DDAH1: variants seen among roughly 807,000 people sequenced by gnomAD.
DDAH1 encodes the protein N(G),N(G)-dimethylarginine dimethylaminohydrolase 1.
A neutral mutation model predicts 28.8 loss-of-function variants in DDAH1; 19 were observed. The observed-to-expected ratio is 0.66, with a 90% CI of 0.46 to 0.97. DDAH1 has a LOEUF of 0.97. Ranked by LOEUF, DDAH1 falls within the 50% of genes least tolerant of loss-of-function variation. The probability of loss-of-function intolerance (pLI) is 0.00; values close to 1 mark genes in which losing one functional copy is unlikely to be tolerated. For synonymous variants in DDAH1, 153 were observed against 154.4 expected, an observed-to-expected ratio of 0.99 and a Z score of 0.07; for missense variants, 326 against 375.9, an observed-to-expected ratio of 0.87 and a Z score of 1.10.
At chr1:85,435,290 A>G (rs888914340) in intron 1 of DDAH1, 3 of 152,208 alleles carry the variant, frequency 2.0e-5, no homozygotes, top group Non-Finnish European at 4.4e-5. Context: ...TAGCCTGCCC[A>G]TTAGTTTCAA....
intron 1 of DDAH1, among the ~76,000 whole-genome samples, chr1:85,386,107 A>G (rs1442787451): frequency 6.6e-6 from 1 of 152,206 alleles, no homozygotes; most frequent in Admixed American, 6.5e-5. Context: ...AAATTTCAAC[A>G]TGATATCCAA....
intron 1 of DDAH1, among the ~76,000 whole-genome samples, chr1:85,570,395 C>CACACAT (rs1018150712): frequency 6.6e-6 from 1 of 150,592 alleles, no homozygotes; most frequent in Non-Finnish European, 1.5e-5. Flanking sequence ...CACACACACA[C>CACACAT]ATCTCAGTGC....
intron 1 of DDAH1, among the ~76,000 whole-genome samples, chr1:85,411,205 A>G (rs994002019): frequency 1.3e-5 from 2 of 152,206 alleles, no homozygotes; most frequent in African/African-American, 4.8e-5. Flanking sequence ...ACAGACCAAT[A>G]ACAGTTGACA....
intron 1 of DDAH1, among the ~76,000 whole-genome samples, chr1:85,453,360 A>AT (rs1167693941): frequency 6.6e-6 from 1 of 151,888 alleles, no homozygotes; most frequent in African/African-American, 2.4e-5. Context: ...TGCACTCCCC[A>AT]TTTTTTCTCA....
chr1:85,424,843 C>T (rs1653318508), intron 1 of DDAH1, among the ~76,000 whole-genome samples: 1 of 151,786 alleles, frequency 6.6e-6, no homozygotes, highest in South Asian at 2.1e-4. Context: ...GAGAAAATGA[C>T]CTTTGGCTTT....
chr1:85,560,474 G>A lies in DDAH1; in HGVS notation c.-123+17510C>T, dbSNP rs546216498. On this transcript the variant is annotated intron_variant, in intron 1 of 6. Coordinates refer to the DDAH1 transcript ENST00000426972. ...GCAAAAATATTTACAATGAAGTATG[G>A]CGTTTGTAACATATATAGAAGTACG... Among the ~76,000 whole-genome samples the A allele has an allele frequency of 5.3e-5, 8 of 152,124 alleles. No individual in the cohort carries two copies. In the East Asian group the frequency reaches 1.5e-3, roughly 29 times the overall value.
intron 1 of DDAH1, among the ~76,000 whole-genome samples, chr1:85,452,038 C>T (rs2100671897): frequency 6.6e-6 from 1 of 152,238 alleles, no homozygotes; most frequent in East Asian, 1.9e-4. Flanking sequence ...TGGGAAGAGC[C>T]TGAGACTTTC....
chr1:85,539,394 T>C (rs1420277120), intron 1 of DDAH1, among the ~76,000 whole-genome samples: 2 of 152,178 alleles, frequency 1.3e-5, no homozygotes, highest in Non-Finnish European at 2.9e-5. Flanking sequence ...TGATCCGCCT[T>C]TCTCGGCCTC....
chr1:85,341,743 G>A (rs1212973095), intron 4 of DDAH1, among the ~76,000 whole-genome samples: 3 of 152,098 alleles, frequency 2.0e-5, no homozygotes, highest in East Asian at 1.9e-4. Context: ...AACCCGGGAG[G>A]TGGAGCTTGC....
chr1:85,555,067 C>T (rs1658922143), intron 1 of DDAH1, among the ~76,000 whole-genome samples: 1 of 152,198 alleles, frequency 6.6e-6, no homozygotes, highest in Non-Finnish European at 1.5e-5. Flanking sequence ...AGTTTATCTG[C>T]CTCCTTATAT....
chr1:85,465,331 G>T (rs12044882), upstream of DDAH1: 67,770 of 533,002 alleles, frequency 0.13, 4,859 homozygotes, highest in South Asian at 0.29. Flanking sequence ...AGTGGGGCCA[G>T]GAGAGGCGGC....
At chr1:85,569,121 A>G (rs1388418520) in intron 1 of DDAH1, among the ~76,000 whole-genome samples, 1 of 152,230 alleles carries the variant, frequency 6.6e-6, no homozygotes, top group Non-Finnish European at 1.5e-5. Context: ...AAGACTGAAC[A>G]GTAAACAAAA....
In DDAH1 at chr1:85,554,276, G is replaced by GTTTT. The variant is rs368410411; in HGVS notation, c.-123+23704_-123+23707dup. 4.6e-3 allele frequency among the ~76,000 whole-genome samples: 506 copies of GTTTT among 110,680 alleles called. 14 individuals are homozygous for GTTTT. The highest frequency in any genetic ancestry group is 0.017 in the South Asian group (48 of 2,792). 72.6% of individuals were successfully genotyped at this position (110,680 alleles called of 152,430 possible). ...TTTTCCTAAAAAGGAAATTGTAAGA[G>GTTTT]TTTTTTTTTTTTTTTTTTTTTTAAT... On this transcript the variant is annotated intron_variant, in intron 1 of 6. Coordinates refer to the DDAH1 transcript ENST00000426972.
At chr1:85,465,295 GTTGT>G, upstream of DDAH1, 1 of 858,282 alleles carries the variant, frequency 1.2e-6, no homozygotes, top group Non-Finnish European at 1.4e-6. Context: ...CCAGGCGGGA[GTTGT>G]AGCGGCGAGC....
intron 1 of DDAH1, among the ~76,000 whole-genome samples, chr1:85,428,744 T>G (rs1357874965): frequency 6.6e-6 from 1 of 152,096 alleles, no homozygotes; most frequent in Non-Finnish European, 1.5e-5. Context: ...TACTCCTGCT[T>G]GCTTGGAAGA....
Position 85,411,860 on chromosome 1 carries a change from C to T in DDAH1, c.303+52883G>A, listed in dbSNP as rs1181166768. On this transcript the variant is annotated intron_variant, in intron 1 of 5. Coordinates refer to ENST00000284031, the MANE Select transcript of DDAH1 (RefSeq NM_012137.4). ...CTTGAGAAACCAGAGAAAGGTCAGC[C>T]GACACCTCAGCCTCAGCACTGTGGA... Among the ~76,000 whole-genome samples, 5 of 152,086 alleles carry T rather than the reference C, an allele frequency of 3.3e-5. No homozygotes were observed. The East Asian group carries it at 5.8e-4, about 18-fold the overall frequency.
chr1:85,487,662 T>C (rs1418687006), intron 2 of DDAH1, among the ~76,000 whole-genome samples: 2 of 152,190 alleles, frequency 1.3e-5, no homozygotes, highest in Non-Finnish European at 2.9e-5. Context: ...CATCAAAAAG[T>C]ATAAAAAGAT....
intron 1 of DDAH1, among the ~76,000 whole-genome samples, chr1:85,508,812 G>T (rs1034118798): frequency 6.6e-6 from 1 of 152,230 alleles, no homozygotes; most frequent in Admixed American, 6.5e-5. Context: ...AAACAAAGCG[G>T]CCAAGAAGCT....
At chr1:85,472,338 C>T (rs959599035) in intron 2 of DDAH1, among the ~76,000 whole-genome samples, 1 of 152,216 alleles carries the variant, frequency 6.6e-6, no homozygotes, top group Non-Finnish European at 1.5e-5. Flanking sequence ...CATATTTCTA[C>T]ATGGCTGTCC....
Sources: gnomAD v4.1 joint callset for allele counts (sites outside exome capture counted in the v4.1 genomes callset) on GRCh38, gnomAD v4.1.1 for gene constraint, MANE v1.5 for transcripts, NCBI Gene and HGNC (gene_info 2026-07-23, HGNC 2026-07-21) for gene names.